Variants in MKI67 observed in about 807,000 individuals in gnomAD.
The protein encoded by MKI67 is marker of proliferation Ki-67, also known as proliferation marker protein Ki-67.
In MKI67, 152 loss-of-function variants were observed where a neutral mutation model predicts 233.5. The observed-to-expected ratio is 0.65, with a 90% confidence interval of 0.57 to 0.74. The LOEUF (loss-of-function observed/expected upper bound fraction) is 0.74. MKI67 is among the 30% of genes least tolerant of loss of function. The pLI, the probability that MKI67 is intolerant of heterozygous loss-of-function variation, is 0.00. For synonymous variants in MKI67, 1,465 were observed against 1,418.5 expected, an observed-to-expected ratio of 1.03 and a Z score of -0.74; for missense variants, 3,940 against 3,885.2, an observed-to-expected ratio of 1.01 and a Z score of -0.37.
Position 128,109,176 on chromosome 10 carries a change from A to T in MKI67, c.2664T>A (p.Pro888=). Residue 888 remains proline (P), a synonymous_variant, in exon 13 of 15, where the codon CCT becomes CCA. Transcript: ENST00000368654. ...TTGTTTCTTCACTCTTACTTTCCAC[A>T]GGTAGCTTCTGTATATTCCTGAACT... ...STEFRNIQKL[P]VESKSEETNT... is the part of the protein sequence containing the mutation. 6.2e-7 allele frequency: 1 copy of T among 1,614,140 alleles called. No homozygotes were observed.
In MKI67 at chr10:128,107,797, C is replaced by G. The variant is rs773730571; in HGVS notation, c.4043G>C (p.Gly1348Ala). 1 of 1,613,876 alleles carries G rather than the reference C, an allele frequency of 6.2e-7. No homozygotes were observed. Among genetic ancestry groups the G allele is most frequent in the South Asian group, 1.1e-5 (1 of 91,076 alleles). The change falls in exon 13 of 15, where the codon GGC (glycine) becomes GCC (alanine). Residue 1348 changes from glycine (G) to alanine (A), a missense_variant. Coordinates refer to ENST00000368654, the MANE Select transcript of MKI67 (RefSeq NM_002417.5). ...EEAQALEDLT[G>A]FKELFQTPGH... ...AGGGGTCTGGAAGAGCTCTTTAAAG[C>G]CAGTCAGGTCTTCCAGAGCCTGGGC...
chr10:128,115,691 C>T lies in MKI67; in HGVS notation c.717G>A (p.Lys239=), dbSNP rs1325267764. Residue 239 remains lysine, a synonymous_variant, in exon 7 of 15, where the codon AAG becomes AAA. Transcript: ENST00000368654. The part of the protein sequence containing the change: ...NSKKNESPFW[K]LYESVKKELD... ...ACTCTTTCTTCACTGACTCATAAAG[C>T]TTCCAAAAGGGAGATTCATTTTTTT... 1.2e-6 allele frequency: 2 copies of T among 1,613,878 alleles called. No homozygotes were observed. The highest frequency in any genetic ancestry group is 1.7e-6 in the Non-Finnish European group (2 of 1,180,002).
intron 12 of MKI67, 71 bp from the exon 13 acceptor site, chr10:128,109,494 A>G (rs970769051): frequency 6.7e-6 from 10 of 1,485,092 alleles, no homozygotes; most frequent in Non-Finnish European, 8.1e-6. Context: ...ACAGCCTCAT[A>G]AAATATGGTA....
At position 128,104,581 on chromosome 10, in the gene MKI67, C is replaced by A. The variant is rs1284351700; in HGVS notation, c.7259G>T (p.Ser2420Ile). The A allele has an allele frequency of 6.2e-7, 1 of 1,613,940 alleles. No homozygotes were observed. The highest frequency in any genetic ancestry group is 8.5e-7 in the Non-Finnish European group (1 of 1,180,018). Reference sequence around the variant, plus strand: ...CTTAGGAGTCTGTGGCTGTCTCTTGCTGCCAGGTAAATTTCCTAGCAGGTC... The same window carrying A: ...CTTAGGAGTCTGTGGCTGTCTCTTGATGCCAGGTAAATTTCCTAGCAGGTC... Reference protein sequence around the residue: ...KLDLLGNLPGSKRQPQTPKEK... With the variant: ...KLDLLGNLPGIKRQPQTPKEK... Residue 2420 changes from serine (S) to isoleucine (I), a missense_variant, in exon 13 of 15, where the codon AGC becomes ATC. Coordinates refer to ENST00000368654, the MANE Select transcript of MKI67 (RefSeq NM_002417.5).
Position 128,108,578 on chromosome 10 carries a change from ACTT to A in MKI67, c.3259_3261del (p.Lys1087del), listed in dbSNP as rs759746704. The A allele has an allele frequency of 1.2e-6, 2 of 1,614,124 alleles. No individual in the cohort carries two copies. The highest frequency in any genetic ancestry group is 1.1e-5 in the South Asian group (1 of 91,076). On this transcript the variant is annotated inframe_deletion, in exon 13 of 15. Transcript: ENST00000368654. ...GCCTCTTCCTTAGGCGTTCTTGGCC[ACTT>A]CTTCATTCCAGTTACACGGGCTGCT...
In MKI67 at chr10:128,101,674, T is replaced by C. The variant is rs2798669; in HGVS notation, c.9289A>G (p.Asn3097Asp). 1 of 1,605,150 alleles carries C rather than the reference T, an allele frequency of 6.2e-7. No individual in the cohort carries two copies. The highest frequency in any genetic ancestry group is 1.1e-5 in the South Asian group (1 of 88,970). Reference protein sequence around the residue: ...KGISLRSRRQNKTEAEQQITE... With the variant: ...KGISLRSRRQDKTEAEQQITE... ...ATTTGCTGTTCTGCCTCAGTCTTAT[T>C]TTGGCGTCTGGAGCGCAGGGATATT... The change falls in exon 14 of 15, where the codon AAT (asparagine) becomes GAT (aspartate). Residue 3097 changes from asparagine (N) to aspartate (D), a missense_variant. Asn to Asp is a conservative substitution (Grantham distance 23). Coordinates refer to ENST00000368654, the MANE Select transcript of MKI67 (RefSeq NM_002417.5).
rs1017512092 is a variant in MKI67 at position 128,121,687 on chromosome 10, C to G, written c.287+1194G>C. 3.3e-5 allele frequency among the ~76,000 whole-genome samples: 5 copies of G among 150,162 alleles called. No individual in the cohort carries two copies. In the South Asian group the frequency reaches 1.0e-3, roughly 31 times the overall value. On this transcript the variant is annotated intron_variant, in intron 4 of 14. Transcript: ENST00000368654. Reference sequence around the variant, plus strand: ...AGATTAGTAAGATAATTAGCCATATCTGCTCATAAAGCAAACCTTGACACA... The same window carrying G: ...AGATTAGTAAGATAATTAGCCATATGTGCTCATAAAGCAAACCTTGACACA...
chr10:128,117,509 A>G (rs1349462252), intron 5 of MKI67, among the ~76,000 whole-genome samples: 2 of 152,272 alleles, frequency 1.3e-5, no homozygotes, highest in Non-Finnish European at 1.5e-5. Flanking sequence ...TGGAAGAACT[A>G]AAGAATAACA....
Position 128,113,557 on chromosome 10 carries a change from C to A in MKI67, c.1526G>T (p.Gly509Val). 6.2e-7 allele frequency: 1 copy of A among 1,614,148 alleles called. No individual in the cohort carries two copies. Among genetic ancestry groups the A allele is most frequent in the Non-Finnish European group, 8.5e-7 (1 of 1,180,024 alleles). The change falls in exon 8 of 15, where the codon GGT (glycine) becomes GTT (valine). Residue 509 changes from glycine (G) to valine (V), a missense_variant. By Grantham distance (109) the Gly-to-Val change is moderately radical. Transcript: ENST00000368654. ...IPLKRRRVSF[G>V]GHLRPELFDE... Reference sequence around the variant, plus strand: ...AAATAGTTCAGGTCTTAGGTGCCCACCAAAGGACACACGCCTTCTTTTCAA... The same window carrying A: ...AAATAGTTCAGGTCTTAGGTGCCCAACAAAGGACACACGCCTTCTTTTCAA...
chr10:128,103,237 G>A lies in MKI67; in HGVS notation c.8603C>T (p.Thr2868Ile), dbSNP rs2071496. Reference protein sequence around the residue: ...VGKLTQTSGETTHTDKEPVGE... With the variant: ...VGKLTQTSGEITHTDKEPVGE... ...TACCGGCTCTTTGTCGGTGTGCGTG[G>A]TCTCCCCTGAGGTTTGTGTGAGCTT... The change falls in exon 13 of 15, where the codon ACC becomes ATC. Residue 2868 changes from threonine (T) to isoleucine (I), a missense_variant. By Grantham distance (89) the Thr-to-Ile change is moderately conservative. Transcript: ENST00000368654. The A allele has an allele frequency of 5.0e-6, 8 of 1,614,014 alleles. No individual in the cohort carries two copies. The highest frequency in any genetic ancestry group is 5.9e-6 in the Non-Finnish European group (7 of 1,180,006).
intron 7 of MKI67, among the ~76,000 whole-genome samples, chr10:128,114,640 G>A (rs1372445568): frequency 2.0e-5 from 3 of 152,192 alleles, no homozygotes; most frequent in Non-Finnish European, 4.4e-5. Flanking sequence ...TTTTGTGATA[G>A]ATGGAGGAGA....
Position 128,099,442 on chromosome 10 carries a change from C to A in MKI67, c.9706-187G>T, listed in dbSNP as rs1206919387. 3.9e-5 allele frequency among the ~76,000 whole-genome samples: 6 copies of A among 152,234 alleles called. No homozygotes were observed. The East Asian group carries it at 9.6e-4, about 24-fold the overall frequency. On this transcript the variant is annotated intron_variant, in intron 14 of 14. Coordinates refer to ENST00000368654, the MANE Select transcript of MKI67 (RefSeq NM_002417.5). Reference sequence around the variant, plus strand: ...TTAACATTGTTTTTCTTGACTTGAACTGCTTTTATTATGCAGTTTTTTTAC... The same window carrying A: ...TTAACATTGTTTTTCTTGACTTGAAATGCTTTTATTATGCAGTTTTTTTAC...
chr10:128,106,472 C>T lies in MKI67; in HGVS notation c.5368G>A (p.Gly1790Ser). ...KAMHTPKPAVGEEKDINTFLG... is the reference protein window; with the variant it reads ...KAMHTPKPAVSEEKDINTFLG... The stretch of plus-strand genomic sequence containing the variant: ...AACGTGTTGATGTCTTTCTCTTCAC[C>T]TACTGCTGGTTTGGGTGTGTGCATG... The change falls in exon 13 of 15, where the codon GGT becomes AGT. Residue 1790 changes from glycine (G) to serine (S), a missense_variant. Coordinates refer to ENST00000368654, the MANE Select transcript of MKI67 (RefSeq NM_002417.5). 1 of 1,613,794 alleles carries T rather than the reference C, an allele frequency of 6.2e-7. No individual in the cohort carries two copies. Among genetic ancestry groups the T allele is most frequent in the Admixed American group, 1.7e-5 (1 of 59,980 alleles).
In MKI67 at chr10:128,102,967, A is replaced by AT. The variant is rs1249964105; in HGVS notation, c.8872dup (p.Ile2958AsnfsTer10). Reference sequence around the variant, plus strand: ...AGGGGCCCGAAGAACTCTTCTGGATATTTTTAGAGGTTTTCCACTGTCAGG... The same window carrying AT: ...AGGGGCCCGAAGAACTCTTCTGGATATTTTTTAGAGGTTTTCCACTGTCAGG... On this transcript the variant is annotated frameshift_variant, in exon 13 of 15. Coordinates refer to ENST00000368654, the MANE Select transcript of MKI67 (RefSeq NM_002417.5). LOFTEE classifies it high-confidence loss of function. 1 of 1,614,028 alleles carries AT rather than the reference A, an allele frequency of 6.2e-7. No homozygotes were observed. The highest frequency in any genetic ancestry group is 8.5e-7 in the Non-Finnish European group (1 of 1,180,036).
At chr10:128,123,278 G>T (rs1565016796) in intron 2 of MKI67, 109 bp from the exon 3 acceptor site, 2 of 768,130 alleles carry the variant, frequency 2.6e-6, no homozygotes, top group East Asian at 2.6e-5. Flanking sequence ...CTGTAAATAT[G>T]ACATAAAGGA....
chr10:128,114,993 C>G lies in MKI67; in HGVS notation c.1415G>C (p.Gly472Ala). 1 of 1,607,922 alleles carries G rather than the reference C, an allele frequency of 6.2e-7. No homozygotes were observed. Among genetic ancestry groups the G allele is most frequent in the Non-Finnish European group, 8.5e-7 (1 of 1,174,676 alleles). The change falls in exon 7 of 15, where the codon GGA (glycine) becomes GCA (alanine). Residue 472 changes from glycine (G) to alanine (A), a missense_variant. Physicochemically the swap from Gly to Ala is moderately conservative, Grantham distance 60. Coordinates refer to ENST00000368654, the MANE Select transcript of MKI67 (RefSeq NM_002417.5). Reference protein sequence around the residue: ...SKPEKLGTTAGQMCSGLPGLS... With the variant: ...SKPEKLGTTAAQMCSGLPGLS... Reference sequence around the variant, plus strand: ...ACCAGGTAACCCAGAGCACATCTGTCCAGCTGTAGTGCCCAATTTCTCAGG... The same window carrying G: ...ACCAGGTAACCCAGAGCACATCTGTGCAGCTGTAGTGCCCAATTTCTCAGG...
chr10:128,113,305 G>A lies in MKI67; in HGVS notation c.1656+122C>T, dbSNP rs1000565458. The A allele has an allele frequency of 1.0e-5, 12 of 1,184,800 alleles. No homozygotes were observed. The African/African-American group carries it at 1.4e-4, about 14-fold the overall frequency. The allele number at this position is 1,184,800 out of a possible 1,614,324, so 73.4% of individuals were successfully genotyped here. On this transcript the variant is annotated intron_variant, in intron 8 of 14. Coordinates refer to ENST00000368654, the MANE Select transcript of MKI67 (RefSeq NM_002417.5). ...CTTTCATTCGTCTTTTTAAAAACTT[G>A]TTTCTTTAATAAATAAATAAAGGTC...
At position 128,106,050 on chromosome 10, in the gene MKI67, C is replaced by T; in HGVS notation, c.5790G>A (p.Leu1930=). ...FVGTPVEKLD[L]LGNLPGSKRR... Reference sequence around the variant, plus strand: ...TCTTGCTGCCAGGTAAATTTCCTAGCAGGTCCAGTTTCTCCACTGGAGTCC... The same window carrying T: ...TCTTGCTGCCAGGTAAATTTCCTAGTAGGTCCAGTTTCTCCACTGGAGTCC... Residue 1930 remains leucine (L), a synonymous_variant, in exon 13 of 15, where the codon CTG becomes CTA. Coordinates refer to ENST00000368654, the MANE Select transcript of MKI67 (RefSeq NM_002417.5). 6.2e-7 allele frequency: 1 copy of T among 1,614,014 alleles called. No homozygotes were observed. Among genetic ancestry groups the T allele is most frequent in the South Asian group, 1.1e-5 (1 of 91,088 alleles).
rs747738487 is a variant in MKI67, at chr10:128,097,880, C to G, written c.*1310G>C. ...TCATGGCAGCCAATATAGTACAAGT[C>G]AGTACCGCTGATTTCTGCATTCATT... On this transcript the variant is annotated 3_prime_UTR_variant, in exon 15 of 15. Coordinates refer to ENST00000368654, the MANE Select transcript of MKI67 (RefSeq NM_002417.5). 3.3e-5 allele frequency: 5 copies of G among 152,204 alleles called. No individual in the cohort carries two copies. The highest frequency in any genetic ancestry group is 7.3e-5 in the Non-Finnish European group (5 of 68,054). 9.4% of individuals were successfully genotyped at this position (152,204 alleles called of 1,614,324 possible).
Sources: allele counts gnomAD v4.1 joint callset (sites outside exome capture counted in the v4.1 genomes callset), GRCh38; gene constraint gnomAD v4.1.1; transcripts MANE v1.5; gene names NCBI Gene and HGNC (gene_info 2026-07-23, HGNC 2026-07-21).